Variants in NOTCH1 observed in about 807,000 individuals in gnomAD.
NOTCH1 encodes neurogenic locus notch homolog protein 1.
NOTCH1 carries 37 observed loss-of-function variants against 254.8 expected under a neutral mutation model. The observed-to-expected ratio is 0.15, with a 90% confidence interval of 0.11 to 0.19. The LOEUF (loss-of-function observed/expected upper bound fraction) is 0.19. Ranked by LOEUF, NOTCH1 falls within the 10% of genes least tolerant of loss-of-function variation. NOTCH1 has a pLI of 1.00. For synonymous variants in NOTCH1, 1,731 were observed against 1,618.1 expected, an observed-to-expected ratio of 1.07 and a Z score of -1.68; for missense variants, 2,972 against 3,708.6, an observed-to-expected ratio of 0.80 and a Z score of 5.16.
chr9:136,528,767 G>T (rs1163169884), intron 2 of NOTCH1, among the ~76,000 whole-genome samples: 1 of 152,064 alleles, frequency 6.6e-6, no homozygotes, highest in African/African-American at 2.4e-5. Context: ...GCCAATCCCG[G>T]CCCACTGTCC....
rs781386640 is a variant in NOTCH1, at chr9:136,502,448, G to A, written c.5208C>T (p.Phe1736=). Residue 1736 remains phenylalanine, a synonymous_variant, in exon 28 of 34, where the codon TTC becomes TTT. Transcript: ENST00000651671. ...CAAAGGCGGCCGCCGCCACGTACATGAAGTGCAGCTGCGCCGGCGGGGGCG... is the reference window on the plus strand; with the variant it reads ...CAAAGGCGGCCGCCGCCACGTACATAAAGTGCAGCTGCGCCGGCGGGGGCG... ...VEPPPPAQLH[F]MYVAAAAFVL... is the part of the protein sequence containing the mutation. The A allele has an allele frequency of 1.3e-5, 21 of 1,605,030 alleles. No individual in the cohort carries two copies. The East Asian group carries it at 2.5e-4, about 19-fold the overall frequency.
chr9:136,511,024 G>C (rs1192650667), intron 16 of NOTCH1, 128 bp downstream of exon 16: 3 of 1,474,138 alleles, frequency 2.0e-6, no homozygotes, highest in Admixed American at 1.7e-5. Flanking sequence ...GAACTTCTCC[G>C]ACCAGGGCCT....
chr9:136,534,684 G>A (rs978468710), intron 2 of NOTCH1, among the ~76,000 whole-genome samples: 7 of 152,038 alleles, frequency 4.6e-5, no homozygotes, highest in African/African-American at 1.5e-4. Flanking sequence ...GGCCTGATCC[G>A]GAGACGCCCT....
chr9:136,504,635 G>C, intron 26 of NOTCH1, 38 bp downstream of exon 26: 1 of 1,481,386 alleles, frequency 6.8e-7, no homozygotes, highest in Non-Finnish European at 9.0e-7. Context: ...GCCCAGGAGA[G>C]TTGCGGGGAT....
In NOTCH1 at chr9:136,506,500, CCT is replaced by C. The variant is rs758044466; in HGVS notation, c.4014+25_4014+26del. The C allele has an allele frequency of 9.1e-5, 142 of 1,554,632 alleles. 1 individual carries two copies. In the South Asian group the frequency reaches 1.5e-3, roughly 16 times the overall value. On this transcript the variant is annotated intron_variant, in intron 24 of 33. Transcript: ENST00000651671. The surrounding 1 kb of genome is among the most constrained non-coding windows in gnomAD (Gnocchi z 4.5). ...CTCCAGGTGTCTCCCCTGGCGGGCC[CCT>C]GCCTCCCTGCACCCCTGCACCTACC...
At chr9:136,503,362 C>T (rs934545221) in intron 26 of NOTCH1, 32 bp from the exon 27 acceptor site, 6 of 1,612,004 alleles carry the variant, frequency 3.7e-6, no homozygotes, top group Admixed American at 1.7e-5. Flanking sequence ...GGCTGGGACC[C>T]GAGGCTTCCT....
At position 136,497,465 on chromosome 9, in the gene NOTCH1, G is replaced by A; in HGVS notation, c.6274C>T (p.His2092Tyr). 1 of 1,612,446 alleles carries A rather than the reference G, an allele frequency of 6.2e-7. No individual in the cohort carries two copies. Among genetic ancestry groups the A allele is most frequent in the Non-Finnish European group, 8.5e-7 (1 of 1,179,932 alleles). The change falls in exon 34 of 34, where the codon CAT (histidine) becomes TAT (tyrosine). Residue 2092 changes from histidine (H) to tyrosine (Y), a missense_variant. Physicochemically the swap from His to Tyr is moderately conservative, Grantham distance 83. Around this residue, in one of 8 missense-constraint regions of NOTCH1, gnomAD observed 529 missense variants for 529.2 expected, o/e 1.00. Transcript: ENST00000651671. Reference protein sequence around the residue: ...DHFANRDITDHMDRLPRDIAQ... With the variant: ...DHFANRDITDYMDRLPRDIAQ... ...ATGTCGCGCGGCAGGCGGTCCATATGATCCGTGATGTCCCGGTTGGCAAAG... is the reference window on the plus strand; with the variant it reads ...ATGTCGCGCGGCAGGCGGTCCATATAATCCGTGATGTCCCGGTTGGCAAAG...
intron 25 of NOTCH1, 30 bp downstream of exon 25, chr9:136,505,279 TC>T (rs1843062691): frequency 6.4e-7 from 1 of 1,550,822 alleles, no homozygotes; most frequent in Non-Finnish European, 8.7e-7. Context: ...GTTCAGGTCC[TC>T]CCTCAGCCCC....
At position 136,497,563 on chromosome 9, in the gene NOTCH1, G is replaced by C. The variant is rs750080333; in HGVS notation, c.6181-5C>G. On this transcript the variant is annotated splice_region_variant and splice_polypyrimidine_tract_variant and intron_variant, in intron 33 of 33. Transcript: ENST00000651671. ...CAGAAACAGGGGTGTCTCCTCCTGG[G>C]GGATGAGGGCGGGGGCCGGTGAGGG... 4 of 1,592,582 alleles carry C rather than the reference G, an allele frequency of 2.5e-6. No individual in the cohort carries two copies. The highest frequency in any genetic ancestry group is 1.7e-5 in the Admixed American group (1 of 59,230).
chr9:136,524,514 C>A (rs556092435), intron 2 of NOTCH1, among the ~76,000 whole-genome samples: 16 of 152,298 alleles, frequency 1.1e-4, no homozygotes, highest in African/African-American at 2.9e-4. Context: ...TTTGCTAAAG[C>A]GAACAGGCAT....
intron 26 of NOTCH1, among the ~76,000 whole-genome samples, chr9:136,503,725 G>A (rs998610863): frequency 1.1e-4 from 16 of 152,198 alleles, no homozygotes; most frequent in African/African-American, 2.4e-4. Flanking sequence ...TGGGTGCAGC[G>A]GTGGTGGGCT....
intron 4 of NOTCH1, 175 bp from the exon 5 acceptor site, chr9:136,519,740 C>A: frequency 1.2e-6 from 1 of 827,230 alleles, no homozygotes; most frequent in Non-Finnish European, 2.0e-6. Flanking sequence ...ACACGCCCTG[C>A]TTGAAAGAAT....
intron 2 of NOTCH1, among the ~76,000 whole-genome samples, chr9:136,528,657 G>C (rs954693907): frequency 1.3e-5 from 2 of 151,792 alleles, no homozygotes; most frequent in Non-Finnish European, 2.9e-5. Context: ...GGGAAGGGAA[G>C]GGGAGGAGCT....
chr9:136,519,555 G>A lies in NOTCH1; in HGVS notation c.753C>T (p.Gly251=), dbSNP rs757811287. 11 of 1,612,818 alleles carry A rather than the reference G, an allele frequency of 6.8e-6. No homozygotes were observed. The highest frequency in any genetic ancestry group is 3.3e-5 in the Admixed American group (2 of 60,038). ...CGTCGATATTTTCCTCACAGTTCTG[G>A]CCGGTGAAGCCTGCCGCAAGAGGGG... ...HECACLPGFT[G]QNCEENIDDC... is the part of the protein sequence containing the mutation. Residue 251 remains glycine (G), a synonymous_variant, in exon 5 of 34, where the codon GGC becomes GGT. Coordinates refer to ENST00000651671, the MANE Select transcript of NOTCH1 (RefSeq NM_017617.5).
chr9:136,514,365 T>TC (rs1195918568), intron 13 of NOTCH1, 145 bp downstream of exon 13: 1 of 832,126 alleles, frequency 1.2e-6, no homozygotes, highest in East Asian at 2.7e-5. Flanking sequence ...GGCATGTGCG[T>TC]CCCCGAGGGG....
At chr9:136,497,650 A>C (rs1842939433) in intron 33 of NOTCH1, 92 bp from the exon 34 acceptor site, 4 of 1,129,966 alleles carry the variant, frequency 3.5e-6, no homozygotes, top group Admixed American at 2.5e-5. Flanking sequence ...CAGCAGTACA[A>C]CCTCCTCCGC....
rs1169651376 is a variant in NOTCH1 at position 136,494,655 on chromosome 9, C to T, written c.*1416G>A. On this transcript the variant is annotated 3_prime_UTR_variant, in exon 34 of 34. Coordinates refer to ENST00000651671, the MANE Select transcript of NOTCH1 (RefSeq NM_017617.5). ...GCGGCCCCCGTAGAGCCGGGGGAGG[C>T]TGCCCTGAGGAGTGCAGGCGGCACG... The T allele has an allele frequency of 4.1e-4, 164 of 398,832 alleles. No homozygotes were observed. The highest frequency in any genetic ancestry group is 3.5e-5 in the Non-Finnish European group (8 of 226,048). The allele number at this position is 398,832 out of a possible 1,614,324, so 24.7% of individuals were successfully genotyped here. A position where few individuals can be genotyped will look rare whatever the true frequency, so the allele number is the denominator to read the frequency against.
At chr9:136,535,016 C>A in intron 2 of NOTCH1, among the ~76,000 whole-genome samples, 1 of 138,906 alleles carries the variant, frequency 7.2e-6, no homozygotes, top group South Asian at 2.4e-4. Context: ...TCCCTCCCCA[C>A]AGAGCCCCCG....
At chr9:136,539,842 C>A (rs911112488) in intron 2 of NOTCH1, among the ~76,000 whole-genome samples, 10 of 152,288 alleles carry the variant, frequency 6.6e-5, no homozygotes, top group Middle Eastern at 3.4e-3. Flanking sequence ...AGGAGCTACC[C>A]CGTCCCTCCC....
Sources: gnomAD v4.1 joint callset for allele counts (sites outside exome capture counted in the v4.1 genomes callset) on GRCh38, gnomAD v4.1.1 for gene constraint, gnomAD v4.1.1 regional missense constraint, Gnocchi (gnomAD v3.1) non-coding constraint, MANE v1.5 for transcripts, NCBI Gene and HGNC (gene_info 2026-07-23, HGNC 2026-07-21) for gene names.